SGSM2: variants seen among roughly 807,000 people sequenced by gnomAD.
SGSM2 encodes RUN and TBC1 domain containing 1.
In SGSM2, 89 loss-of-function variants were observed where a neutral mutation model predicts 126.6. The observed-to-expected ratio is 0.70, with a 90% CI of 0.59 to 0.84. SGSM2 has a LOEUF of 0.84. Among genes scored for constraint, SGSM2 ranks in the 40% least tolerant of loss-of-function variants. The pLI is 0.00. For synonymous variants in SGSM2, 614 were observed against 574.3 expected (o/e 1.07, Z -0.99); for missense variants, 1,404 against 1,416.6 (o/e 0.99, Z 0.14).
At chr17:2,360,595 G>A (rs2065267771) in intron 2 of SGSM2, among the ~76,000 whole-genome samples, 2 of 152,216 alleles carry the variant, frequency 1.3e-5, no homozygotes, top group Admixed American at 6.5e-5. Context: ...CACATCCTCC[G>A]TCTCATGTGA....
At position 2,362,159 on chromosome 17, in the gene SGSM2, GC is replaced by G; in HGVS notation, c.348del (p.Ser116ArgfsTer12). The G allele has an allele frequency of 6.2e-7, 1 of 1,613,932 alleles. No individual in the cohort carries two copies. Among genetic ancestry groups the G allele is most frequent in the Non-Finnish European group, 8.5e-7 (1 of 1,180,008 alleles). ...QEALRRQGSA[S>X]GKAPALSPQA... is the part of the protein sequence containing the mutation. ...GCCCTGCGGAGACAGGGCTCAGCCA[GC>G]GGGAAGGCCCCGGCCCTCAGCCCTC... On this transcript the variant is annotated frameshift_variant, in exon 4 of 24. Transcript: ENST00000268989. LOFTEE classifies it high-confidence loss of function. This position sits in a 1 kb window ranked among gnomAD's most constrained non-coding sequence, Gnocchi z 4.9.
At chr17:2,376,034 G>T in intron 18 of SGSM2, 103 bp from the exon 19 acceptor site, 1 of 1,573,072 alleles carries the variant, frequency 6.4e-7, no homozygotes. Context: ...ACTCGCTCTG[G>T]TCTCTGGGTT....
chr17:2,355,932 TG>T (rs1458176433), intron 2 of SGSM2, among the ~76,000 whole-genome samples: 5 of 1,308 alleles, frequency 3.8e-3, no homozygotes, highest in Admixed American at 6.6e-3. Context: ...GTGTAAGGGT[TG>T]GGGGAAGGGA....
At position 2,375,519 on chromosome 17, in the gene SGSM2, C is replaced by T. The variant is rs758954025; in HGVS notation, c.2128C>T (p.Pro710Ser). The T allele has an allele frequency of 1.9e-6, 3 of 1,610,984 alleles. No individual in the cohort carries two copies. Among genetic ancestry groups the T allele is most frequent in the Middle Eastern group, 1.6e-4 (1 of 6,064 alleles). Residue 710 changes from proline to serine, a missense_variant, in exon 18 of 24, where the codon CCC (proline) becomes TCC (serine). Transcript: ENST00000268989. ...DVFISVDDLEPPEPQDPEDSR... is the reference protein window; with the variant it reads ...DVFISVDDLESPEPQDPEDSR... ...GTTTATCTCAGTGGATGATCTGGAA[C>T]CCCCGGAGCCCCAGGACCCTGAAGA...
At chr17:2,341,886 C>T (rs2064383982) in intron 1 of SGSM2, among the ~76,000 whole-genome samples, 1 of 152,154 alleles carries the variant, frequency 6.6e-6, no homozygotes, top group Non-Finnish European at 1.5e-5. Context: ...GAAGACAGTC[C>T]TCAATGTTCA....
At chr17:2,354,232 T>C (rs967882131) in intron 2 of SGSM2, among the ~76,000 whole-genome samples, 1 of 62,052 alleles carries the variant, frequency 1.6e-5, no homozygotes. Context: ...TGTTTTTTAG[T>C]AGAGACGGGG....
At chr17:2,378,790 A>AC (rs746852681) in intron 22 of SGSM2, among the ~76,000 whole-genome samples, 2 of 152,180 alleles carry the variant, frequency 1.3e-5, no homozygotes, top group South Asian at 4.1e-4. Flanking sequence ...GGGGTACAGA[A>AC]CCCCCATTCC....
At chr17:2,343,406 C>T in intron 1 of SGSM2, 139 bp from the exon 2 acceptor site, 1 of 780,578 alleles carries the variant, frequency 1.3e-6, no homozygotes, top group South Asian at 1.6e-5. Context: ...TGCTTCCCCA[C>T]ACCTTTCATC....
At chr17:2,360,664 T>G (rs1158511365) in intron 2 of SGSM2, among the ~76,000 whole-genome samples, 2 of 152,254 alleles carry the variant, frequency 1.3e-5, no homozygotes, top group Admixed American at 1.3e-4. Flanking sequence ...TCAGAGCAAG[T>G]GACCGTGCCA....
chr17:2,375,545 T>G lies in SGSM2; in HGVS notation c.2154T>G (p.Asp718Glu). Residue 718 changes from aspartate to glutamate, a missense_variant, in exon 18 of 24, where the codon GAT (aspartate) becomes GAG (glutamate). Asp to Glu is a conservative substitution (Grantham distance 45, BLOSUM62 2). Coordinates refer to ENST00000268989, the MANE Select transcript of SGSM2 (RefSeq NM_014853.3). ...LEPPEPQDPE[D>E]SRPKPEQEAG... ...CCCCGGAGCCCCAGGACCCTGAAGA[T>G]TCCAGACCAAAACCTGAGCAGGAAG... The G allele has an allele frequency of 9.9e-6, 16 of 1,613,542 alleles. No homozygotes were observed. Among genetic ancestry groups the G allele is most frequent in the Non-Finnish European group, 1.4e-5 (16 of 1,179,912 alleles).
intron 18 of SGSM2, 106 bp from the exon 19 acceptor site, chr17:2,376,031 C>T (rs2066128961): frequency 6.4e-7 from 1 of 1,565,758 alleles, no homozygotes; most frequent in Non-Finnish European, 8.7e-7. Context: ...AGGACTCGCT[C>T]TGGTCTCTGG....
In SGSM2 at chr17:2,379,428, C is replaced by A; in HGVS notation, c.3068-4C>A. 6.2e-7 allele frequency: 1 copy of A among 1,611,918 alleles called. No homozygotes were observed. ...TCTCTACAGCTCTTCACGTTTCCCCCCAGAACGTGCTGAGCATCACGATGC... is the reference window on the plus strand; with the variant it reads ...TCTCTACAGCTCTTCACGTTTCCCCACAGAACGTGCTGAGCATCACGATGC... On this transcript the variant is annotated splice_region_variant and splice_polypyrimidine_tract_variant and intron_variant, in intron 23 of 23. Transcript: ENST00000268989.
intron 2 of SGSM2, among the ~76,000 whole-genome samples, chr17:2,360,235 G>A (rs968195763): frequency 6.6e-5 from 10 of 152,120 alleles, no homozygotes; most frequent in African/African-American, 9.7e-5. Context: ...TCAGCTACTC[G>A]GGAGGCTGAG....
rs2066115937 is a variant in SGSM2, at chr17:2,375,861, G to GCGGCTGCCTACACTGTGCGTA, written c.2472_2484+8dup. 1 of 1,524,138 alleles carries GCGGCTGCCTACACTGTGCGTA rather than the reference G, an allele frequency of 6.6e-7. No individual in the cohort carries two copies. The highest frequency in any genetic ancestry group is 1.3e-5 in the South Asian group (1 of 78,050). 94.4% of individuals were successfully genotyped at this position (1,524,138 alleles called of 1,614,324 possible). On this transcript the variant is annotated inframe_insertion, in exon 18 of 24. Coordinates refer to ENST00000268989, the MANE Select transcript of SGSM2 (RefSeq NM_014853.3). ...CGGAGAGGAGCTTGCGGCTGTGTGT[G>GCGGCTGCCTACACTGTGCGTA]CGGCTGCCTACACTGTGCGTACATG...
intron 1 of SGSM2, among the ~76,000 whole-genome samples, chr17:2,343,293 C>G (rs959159678): frequency 6.6e-6 from 1 of 152,146 alleles, no homozygotes; most frequent in Non-Finnish European, 1.5e-5. Context: ...CAGGGCACTT[C>G]CACCTGGGCT....
chr17:2,378,706 G>A (rs887122036), intron 22 of SGSM2, among the ~76,000 whole-genome samples: 2 of 152,134 alleles, frequency 1.3e-5, no homozygotes, highest in Non-Finnish European at 1.5e-5. Context: ...ACAGCTGCCC[G>A]GCTGAAGTGC....
intron 2 of SGSM2, among the ~76,000 whole-genome samples, chr17:2,343,999 C>G (rs1483869789): frequency 6.6e-6 from 1 of 152,142 alleles, no homozygotes; most frequent in Non-Finnish European, 1.5e-5. Flanking sequence ...AACCAGTGCT[C>G]TGACTGATTT....
At position 2,337,706 on chromosome 17, in the gene SGSM2, C is replaced by T; in HGVS notation, c.18C>T (p.Asp6=). 1 of 1,538,454 alleles carries T rather than the reference C, an allele frequency of 6.5e-7. No homozygotes were observed. The highest frequency in any genetic ancestry group is 8.8e-7 in the Non-Finnish European group (1 of 1,139,724). MGSAE[D]AVKEKLLWNV... ...GCCACACCATGGGCAGCGCAGAGGA[C>T]GCAGTCAAAGAGAAACTGCTGTGGA... is the stretch of plus-strand genomic sequence containing the variant. The change falls in exon 1 of 24, where the codon GAC becomes GAT. Residue 6 remains aspartate, a synonymous_variant. Transcript: ENST00000268989. This position sits in a 1 kb window ranked among gnomAD's most constrained non-coding sequence, Gnocchi z 5.1.
At chr17:2,350,978 C>T (rs1017610185) in intron 2 of SGSM2, among the ~76,000 whole-genome samples, 3 of 152,056 alleles carry the variant, frequency 2.0e-5, no homozygotes, top group African/African-American at 7.2e-5. Flanking sequence ...GTGGGCTGGG[C>T]GTGGTGGCTC....
Sources: gnomAD v4.1 joint callset for allele counts (sites outside exome capture counted in the v4.1 genomes callset) on GRCh38, gnomAD v4.1.1 for gene constraint, Gnocchi (gnomAD v3.1) non-coding constraint, MANE v1.5 for transcripts, NCBI Gene and HGNC (gene_info 2026-07-23, HGNC 2026-07-21) for gene names.